Variants in PLCL2 observed in about 807,000 individuals in gnomAD.
PLCL2 encodes phospholipase C like 2, also known as inactive phospholipase C-like protein 2.
PLCL2 carries 4 observed loss-of-function variants against 79.6 expected under a neutral mutation model. The observed-to-expected ratio is 0.05, with a 90% CI of 0.02 to 0.11. The LOEUF (loss-of-function observed/expected upper bound fraction) is 0.11, where lower values mean the gene tolerates loss of function less well. Among genes scored for constraint, PLCL2 ranks in the 10% least tolerant of loss-of-function variants. PLCL2 has a pLI of 1.00. For synonymous variants in PLCL2, 484 were observed against 457.7 expected, an observed-to-expected ratio of 1.06 and a Z score of -0.73; for missense variants, 895 against 1,291.0, an observed-to-expected ratio of 0.69 and a Z score of 4.70.
intron 1 of PLCL2, among the ~76,000 whole-genome samples, chr3:16,893,937 G>A (rs765397229): frequency 2.0e-5 from 3 of 152,092 alleles, no homozygotes; most frequent in Non-Finnish European, 4.4e-5. Context: ...TGGGTAGCAG[G>A]TGTATGCTCT....
chr3:16,920,400 C>T (rs1559485868), intron 1 of PLCL2, among the ~76,000 whole-genome samples: 1 of 151,860 alleles, frequency 6.6e-6, no homozygotes, highest in Non-Finnish European at 1.5e-5. Flanking sequence ...GTATAATTCT[C>T]AAGGGTATTC....
At chr3:16,995,196 T>C (rs2064141439) in intron 1 of PLCL2, among the ~76,000 whole-genome samples, 1 of 152,264 alleles carries the variant, frequency 6.6e-6, no homozygotes, top group East Asian at 1.9e-4. Flanking sequence ...TTAAACATCA[T>C]ATGTCCTTTA....
chr3:16,954,828 T>C (rs566270464), intron 1 of PLCL2, among the ~76,000 whole-genome samples: 1 of 152,352 alleles, frequency 6.6e-6, no homozygotes, highest in East Asian at 1.9e-4. Context: ...ATGTCTTCTT[T>C]TGAGAAGTGT....
intron 3 of PLCL2, among the ~76,000 whole-genome samples, chr3:17,041,254 C>T (rs1164951187): frequency 1.3e-5 from 2 of 152,164 alleles, no homozygotes; most frequent in African/African-American, 2.4e-5. Context: ...TGTGAAAATA[C>T]TGAATTCCAA....
rs538294112 is a variant in PLCL2 at position 16,954,415 on chromosome 3, C to T, written c.328-55259C>T. 4.6e-5 allele frequency among the ~76,000 whole-genome samples: 7 copies of T among 152,224 alleles called. No homozygotes were observed. The South Asian group carries it at 1.2e-3, about 27-fold the overall frequency. On this transcript the variant is annotated intron_variant, in intron 1 of 5. Coordinates refer to ENST00000615277, the MANE Select transcript of PLCL2 (RefSeq NM_001144382.2). ...TGTATATGTGCCACATTTTCTTAAT[C>T]CAGTCTATCGTTGTTGGACATTTAG...
chr3:16,988,273 G>A (rs940411420), intron 1 of PLCL2, among the ~76,000 whole-genome samples: 3 of 152,084 alleles, frequency 2.0e-5, no homozygotes, highest in Non-Finnish European at 4.4e-5. Context: ...TAATTTGGTC[G>A]GGGTATATTT....
At chr3:16,936,546 A>T (rs1257611452) in intron 1 of PLCL2, among the ~76,000 whole-genome samples, 1 of 152,222 alleles carries the variant, frequency 6.6e-6, no homozygotes, top group African/African-American at 2.4e-5. Flanking sequence ...AGAAAAAGCA[A>T]ACAAGCAGGC....
At chr3:17,055,624 G>T (rs1386405765) in intron 4 of PLCL2, among the ~76,000 whole-genome samples, 1 of 152,160 alleles carries the variant, frequency 6.6e-6, no homozygotes, top group African/African-American at 2.4e-5. Flanking sequence ...CGTGTGATCA[G>T]AATCCCCTGG....
At chr3:17,042,614 C>T in intron 3 of PLCL2, 1 of 305,366 alleles carries the variant, frequency 3.3e-6, no homozygotes, top group East Asian at 5.7e-5. Context: ...AGTATATTAG[C>T]TCAGGGTTCA....
rs1382519799 is a variant in PLCL2, at chr3:17,074,516, A to G, written c.3204+6451A>G. 2.6e-5 allele frequency among the ~76,000 whole-genome samples: 4 copies of G among 152,226 alleles called. No homozygotes were observed. The East Asian group carries it at 7.7e-4, about 29-fold the overall frequency. On this transcript the variant is annotated intron_variant, in intron 5 of 5. Coordinates refer to ENST00000615277, the MANE Select transcript of PLCL2 (RefSeq NM_001144382.2). Reference sequence around the variant, plus strand: ...ACAGCCACCAGCTGCATTATTCCCTAACAAGAATATCAAACTGTCCTTTGA... The same window carrying G: ...ACAGCCACCAGCTGCATTATTCCCTGACAAGAATATCAAACTGTCCTTTGA...
chr3:16,965,521 T>C (rs1199440305), intron 1 of PLCL2, among the ~76,000 whole-genome samples: 1 of 151,796 alleles, frequency 6.6e-6, no homozygotes, highest in African/African-American at 2.4e-5. Context: ...TTTGGTTCCA[T>C]ATGAACTTTA....
At position 16,926,975 on chromosome 3, in the gene PLCL2, A is replaced by G. The variant is rs1697271987; in HGVS notation, c.327+41609A>G. Among the ~76,000 whole-genome samples, 3 of 152,184 alleles carry G rather than the reference A, an allele frequency of 2.0e-5. 1 individual carries two copies. The South Asian group carries it at 6.2e-4, about 31-fold the overall frequency. On this transcript the variant is annotated intron_variant, in intron 1 of 5. Coordinates refer to ENST00000615277, the MANE Select transcript of PLCL2 (RefSeq NM_001144382.2). ...GAAGAACGGGAAGTGGGTGGCTGAAAAAAATCAATTAAAAATATTTATTTG... is the reference window on the plus strand; with the variant it reads ...GAAGAACGGGAAGTGGGTGGCTGAAGAAAATCAATTAAAAATATTTATTTG...
Sources: allele counts gnomAD v4.1 joint callset (sites outside exome capture counted in the v4.1 genomes callset), GRCh38; gene constraint gnomAD v4.1.1; transcripts MANE v1.5; gene names NCBI Gene and HGNC (gene_info 2026-07-23, HGNC 2026-07-21).